NUMB: variants seen among roughly 807,000 people sequenced by gnomAD.
The protein encoded by NUMB is protein numb homolog.
A neutral mutation model predicts 59.7 loss-of-function variants in NUMB; 29 were observed. The observed-to-expected ratio is 0.49, with a 90% confidence interval of 0.36 to 0.66. NUMB has a LOEUF of 0.66. NUMB is among the 30% of genes least tolerant of loss of function. The pLI, the probability that NUMB is intolerant of heterozygous loss-of-function variation, is 0.00. For missense variants in NUMB, 723 were observed against 822.0 expected, an observed-to-expected ratio of 0.88 and a Z score of 1.47; for synonymous variants, 288 against 288.2, an observed-to-expected ratio of 1.00 and a Z score of 0.01.
intron 2 of NUMB, among the ~76,000 whole-genome samples, chr14:73,377,860 G>A (rs1895030916): frequency 6.6e-6 from 1 of 152,100 alleles, no homozygotes; most frequent in Non-Finnish European, 1.5e-5. Context: ...CCAGCTACTT[G>A]GGAAGCTGTG....
chr14:73,278,329 G>A (rs1888344332), intron 12 of NUMB, among the ~76,000 whole-genome samples: 1 of 151,870 alleles, frequency 6.6e-6, no homozygotes, highest in Non-Finnish European at 1.5e-5. Flanking sequence ...AAAACAGCCT[G>A]GCCAACATGG....
intron 2 of NUMB, among the ~76,000 whole-genome samples, chr14:73,405,079 G>C (rs548504966): frequency 8.3e-4 from 127 of 152,230 alleles, no homozygotes; most frequent in African/African-American, 3.0e-3. Flanking sequence ...AAAATGTTGG[G>C]AAGATTTCTC....
At chr14:73,350,684 A>C (rs1594936583) in intron 4 of NUMB, among the ~76,000 whole-genome samples, 2 of 134,740 alleles carry the variant, frequency 1.5e-5, no homozygotes, top group East Asian at 2.2e-4. Flanking sequence ...GGTGTGTACT[A>C]CCACATCTAG....
intron 6 of NUMB, among the ~76,000 whole-genome samples, chr14:73,303,589 C>CA (rs1460213952): frequency 6.7e-6 from 1 of 150,366 alleles, no homozygotes; most frequent in Admixed American, 6.6e-5. Flanking sequence ...ATCTCAAAAA[C>CA]AAAACAAAAC....
At chr14:73,278,969 C>T (rs1490646960) in intron 12 of NUMB, among the ~76,000 whole-genome samples, 1 of 152,062 alleles carries the variant, frequency 6.6e-6, no homozygotes, top group African/African-American at 2.4e-5. Flanking sequence ...CGTGATCCAC[C>T]CACCTCAGCC....
intron 4 of NUMB, among the ~76,000 whole-genome samples, chr14:73,348,969 G>A (rs905759834): frequency 1.3e-5 from 2 of 152,190 alleles, no homozygotes; most frequent in African/African-American, 4.8e-5. Context: ...CACAAGAAAT[G>A]TCACTAGTTC....
At chr14:73,408,250 A>T (rs1195919990) in intron 2 of NUMB, among the ~76,000 whole-genome samples, 8 of 51,824 alleles carry the variant, frequency 1.5e-4, no homozygotes. Context: ...GAAAGAAAAA[A>T]CGTTAAGATA....
intron 1 of NUMB, among the ~76,000 whole-genome samples, chr14:73,444,124 G>A (rs1883289110): frequency 6.6e-6 from 1 of 152,164 alleles, no homozygotes; most frequent in African/African-American, 2.4e-5. Context: ...TATTGGCTGG[G>A]CACAGTGGCG....
chr14:73,365,605 C>T (rs8009466), intron 3 of NUMB, among the ~76,000 whole-genome samples: 80,394 of 151,540 alleles, frequency 0.53, 21,869 homozygotes, highest in East Asian at 0.72. Flanking sequence ...ACTCTGTCTC[C>T]ATAAGAAAAA....
chr14:73,384,754 G>C (rs899641049), intron 2 of NUMB, among the ~76,000 whole-genome samples: 23 of 151,616 alleles, frequency 1.5e-4, no homozygotes, highest in Admixed American at 7.9e-4. Context: ...TTGTTTGTTT[G>C]TTTGTTAGAG....
intron 2 of NUMB, among the ~76,000 whole-genome samples, chr14:73,401,727 G>A (rs906871984): frequency 4.0e-5 from 6 of 151,342 alleles, no homozygotes; most frequent in South Asian, 2.1e-4. Flanking sequence ...CTGCCACCAC[G>A]CCCAGCTAAT....
chr14:73,433,239 T>C lies in NUMB; in HGVS notation c.-232-23171A>G, dbSNP rs1337386832. The stretch of plus-strand genomic sequence containing the variant: ...GAGTTCAAGACCAGTCTGGCCAACA[T>C]GGCAAAACCCCGTCTCTACTGAAAA... On this transcript the variant is annotated intron_variant, in intron 1 of 12. Transcript: ENST00000555238. Among the ~76,000 whole-genome samples the C allele has an allele frequency of 4.0e-5, 6 of 151,674 alleles. 1 individual carries two copies. In the South Asian group the frequency reaches 1.0e-3, roughly 26 times the overall value.
At chr14:73,356,124 C>T (rs1358180237) in intron 3 of NUMB, among the ~76,000 whole-genome samples, 3 of 152,180 alleles carry the variant, frequency 2.0e-5, no homozygotes, top group Non-Finnish European at 2.9e-5. Context: ...CCATCTACCT[C>T]TCAAATTCAT....
At chr14:73,403,923 T>C (rs1896536303) in intron 2 of NUMB, among the ~76,000 whole-genome samples, 1 of 151,618 alleles carries the variant, frequency 6.6e-6, no homozygotes, top group African/African-American at 2.4e-5. Context: ...TGAAACCCCG[T>C]CTCTACTAAA....
At chr14:73,421,955 A>G (rs1324709570) in intron 1 of NUMB, among the ~76,000 whole-genome samples, 1 of 152,082 alleles carries the variant, frequency 6.6e-6, no homozygotes, top group African/African-American at 2.4e-5. Flanking sequence ...CCTGGCCAAC[A>G]TCGTGAAACC....
At chr14:73,326,468 A>T (rs562854747) in intron 4 of NUMB, among the ~76,000 whole-genome samples, 2 of 152,208 alleles carry the variant, frequency 1.3e-5, no homozygotes, top group African/African-American at 4.8e-5. Context: ...CTCTACTAAA[A>T]ATACAAAAAT....
At chr14:73,330,555 G>A (rs141579510) in intron 4 of NUMB, among the ~76,000 whole-genome samples, 14 of 152,256 alleles carry the variant, frequency 9.2e-5, no homozygotes, top group African/African-American at 2.9e-4. Context: ...ACTTGTCTGT[G>A]TCTCAATTTC....
intron 1 of NUMB, among the ~76,000 whole-genome samples, chr14:73,427,590 G>C (rs899754283): frequency 9.2e-5 from 14 of 152,024 alleles, no homozygotes; most frequent in African/African-American, 3.4e-4. Context: ...TCTAGAATTG[G>C]GGTCTAGAGG....
intron 2 of NUMB, among the ~76,000 whole-genome samples, chr14:73,367,282 T>C (rs1378960662): frequency 1.9e-5 from 2 of 107,860 alleles, no homozygotes; most frequent in Non-Finnish European, 3.4e-5. Flanking sequence ...TAAAATACTA[T>C]ATATATATAT....
Sources: allele counts gnomAD v4.1 joint callset (sites outside exome capture counted in the v4.1 genomes callset), GRCh38; gene constraint gnomAD v4.1.1; transcripts MANE v1.5; gene names NCBI Gene and HGNC (gene_info 2026-07-23, HGNC 2026-07-21).